Variants in C10orf67 observed in about 807,000 individuals in gnomAD.
The protein encoded by C10orf67 is uncharacterized protein C10orf67, mitochondrial.
Under a neutral mutation model 35.6 loss-of-function variants are expected in C10orf67, and 60 were observed. The ratio of observed to expected loss-of-function variants is 1.68; its 90% confidence interval spans 1.37 to 2.09. The LOEUF is 2.09. C10orf67 is among the 30% of genes most tolerant of loss of function. The pLI is 0.00. For missense variants in C10orf67, 474 were observed against 330.2 expected (o/e 1.44, Z -3.38); for synonymous variants, 167 against 115.8 (o/e 1.44, Z -2.84).
intron 13 of C10orf67, among the ~76,000 whole-genome samples, chr10:23,229,720 A>T (rs61847281): frequency 0.035 from 5,286 of 152,276 alleles, 146 homozygotes; most frequent in Non-Finnish European, 0.057. Flanking sequence ...TACTTAGAGT[A>T]ATATGCAAAT....
At chr10:23,258,964 T>A (rs1197773785) in intron 10 of C10orf67, among the ~76,000 whole-genome samples, 4 of 152,238 alleles carry the variant, frequency 2.6e-5, no homozygotes, top group African/African-American at 9.6e-5. Context: ...TTTTTAAAAT[T>A]ACTAGGTAAC....
intron 13 of C10orf67, among the ~76,000 whole-genome samples, chr10:23,229,496 C>T (rs963177681): frequency 1.3e-5 from 2 of 151,380 alleles, no homozygotes; most frequent in African/African-American, 2.4e-5. Context: ...GATGAGTTAA[C>T]GGGTGCAGCA....
chr10:23,336,891 G>T (rs1470026860), intron 1 of C10orf67, among the ~76,000 whole-genome samples: 3 of 151,990 alleles, frequency 2.0e-5, no homozygotes, highest in Non-Finnish European at 4.4e-5. Context: ...TCCAAGATTG[G>T]AATAAAAGTA....
intron 6 of C10orf67, 102 bp from the exon 7 acceptor site, chr10:23,290,060 T>C (rs1843673930): frequency 3.0e-6 from 2 of 666,126 alleles, no homozygotes; most frequent in Non-Finnish European, 5.5e-6. Context: ...CTAGCAGGCA[T>C]AGTGGACACA....
intron 15 of C10orf67, among the ~76,000 whole-genome samples, chr10:23,213,155 G>A (rs1291787381): frequency 1.3e-5 from 2 of 152,178 alleles, no homozygotes; most frequent in African/African-American, 2.4e-5. Context: ...CATAGCTAAA[G>A]AGAGAATTTG....
chr10:23,240,424 C>A (rs989799679), intron 12 of C10orf67, among the ~76,000 whole-genome samples: 1 of 152,192 alleles, frequency 6.6e-6, no homozygotes, highest in Non-Finnish European at 1.5e-5. Context: ...CAGAATTCAA[C>A]AAAGTCATCA....
chr10:23,253,921 G>C lies in C10orf67; in HGVS notation c.1201-3230C>G, dbSNP rs377322382. Among the ~76,000 whole-genome samples, 17 of 152,112 alleles carry C rather than the reference G, an allele frequency of 1.1e-4. No individual in the cohort carries two copies. In the East Asian group the frequency reaches 2.1e-3, roughly 19 times the overall value. ...TGTAGACTAGAGTGTTTGCTCTCCA[G>C]TTCGAGTTGAACTTTCAACTTTGCT... On this transcript the variant is annotated intron_variant, in intron 10 of 15. Coordinates refer to ENST00000636213, the MANE Select transcript of C10orf67 (RefSeq NM_001371909.1).
At chr10:23,301,405 G>A (rs184964716) in intron 5 of C10orf67, among the ~76,000 whole-genome samples, 74 of 152,248 alleles carry the variant, frequency 4.9e-4, no homozygotes, top group Non-Finnish European at 6.3e-4. Flanking sequence ...CACGCTAATC[G>A]TTTTTAACTG....
intron 15 of C10orf67, among the ~76,000 whole-genome samples, chr10:23,206,423 T>C (rs539373673): frequency 1.3e-5 from 2 of 152,352 alleles, no homozygotes; most frequent in East Asian, 1.9e-4. Flanking sequence ...TCCATTTGTA[T>C]GTATATATAT....
chr10:23,322,263 AATT>A (rs1488620145), intron 3 of C10orf67, 128 bp downstream of exon 3: 17 of 465,946 alleles, frequency 3.6e-5, no homozygotes, highest in South Asian at 1.5e-4. Flanking sequence ...TCTGTGTATT[AATT>A]ACCACATGAG....
At chr10:23,223,854 G>C (rs1841658731) in intron 13 of C10orf67, 36 bp from the exon 14 acceptor site, 1 of 711,600 alleles carries the variant, frequency 1.4e-6, no homozygotes, top group Non-Finnish European at 2.6e-6. Context: ...GTGTTATCAG[G>C]AGGAAATAAT....
intron 4 of C10orf67, among the ~76,000 whole-genome samples, chr10:23,315,830 TC>T (rs1844684715): frequency 6.6e-6 from 1 of 152,098 alleles, no homozygotes; most frequent in Non-Finnish European, 1.5e-5. Context: ...CTTTTTTTTT[TC>T]TTTTAGAGAC....
chr10:23,306,568 A>G (rs1370327274), intron 4 of C10orf67, among the ~76,000 whole-genome samples: 1 of 151,850 alleles, frequency 6.6e-6, no homozygotes, highest in African/African-American at 2.4e-5. Flanking sequence ...TGGTTGACAA[A>G]GGCTGGAGCA....
intron 4 of C10orf67, among the ~76,000 whole-genome samples, chr10:23,308,568 A>G (rs572104869): frequency 2.0e-5 from 3 of 152,256 alleles, no homozygotes; most frequent in African/African-American, 7.2e-5. Context: ...CCACGTTGCC[A>G]CAGGTCTCTG....
chr10:23,249,387 T>C (rs1842393943), intron 12 of C10orf67, among the ~76,000 whole-genome samples: 1 of 152,182 alleles, frequency 6.6e-6, no homozygotes, highest in Non-Finnish European at 1.5e-5. Context: ...TGTTCTTAAA[T>C]AACTATGTGA....
intron 1 of C10orf67, among the ~76,000 whole-genome samples, chr10:23,335,948 C>A (rs1400556035): frequency 6.6e-6 from 1 of 152,158 alleles, no homozygotes; most frequent in Admixed American, 6.5e-5. Flanking sequence ...TTCTTTTCTA[C>A]CTTCTTTTGC....
chr10:23,241,961 A>T (rs572585016), intron 12 of C10orf67, among the ~76,000 whole-genome samples: 1 of 116,040 alleles, frequency 8.6e-6, no homozygotes, highest in Admixed American at 8.7e-5. Context: ...CAAAGAACTG[A>T]CATTTTTTTT....
chr10:23,211,718 G>T (rs764736165), intron 15 of C10orf67, among the ~76,000 whole-genome samples: 12 of 152,166 alleles, frequency 7.9e-5, no homozygotes, highest in Non-Finnish European at 1.5e-4. Flanking sequence ...AAATAAGGTA[G>T]AAATCAAATG....
At chr10:23,267,816 G>C (rs1842922065) in intron 8 of C10orf67, among the ~76,000 whole-genome samples, 1 of 151,822 alleles carries the variant, frequency 6.6e-6, no homozygotes, top group South Asian at 2.1e-4. Flanking sequence ...TGAGGCAGGA[G>C]AATCTACCCA....
Sources: gnomAD v4.1 joint callset for allele counts (sites outside exome capture counted in the v4.1 genomes callset) on GRCh38, gnomAD v4.1.1 for gene constraint, MANE v1.5 for transcripts, NCBI Gene and HGNC (gene_info 2026-07-23, HGNC 2026-07-21) for gene names.